Variants in RTN4 observed in about 807,000 individuals in gnomAD.
The protein encoded by RTN4 is reticulon 4.
RTN4 carries 32 observed loss-of-function variants against 90.4 expected under a neutral mutation model. The observed-to-expected ratio is 0.35, with a 90% CI of 0.27 to 0.48. RTN4 has a LOEUF of 0.48. Among genes scored for constraint, RTN4 ranks in the 20% least tolerant of loss-of-function variants. The probability of loss-of-function intolerance (pLI) is 0.99; values close to 1 mark genes in which losing one functional copy is unlikely to be tolerated. For synonymous variants in RTN4, 629 were observed against 552.5 expected (o/e 1.14, Z -1.94); for missense variants, 1,706 against 1,430.2 (o/e 1.19, Z -3.11).
chr2:55,029,154 G>A (rs1222704951), intron 1 of RTN4, among the ~76,000 whole-genome samples: 2 of 152,102 alleles, frequency 1.3e-5, no homozygotes, highest in African/African-American at 2.4e-5. Context: ...ACACACAAGA[G>A]GTCATGTGTG....
At chr2:55,135,143 C>A in the RTN4 span, among the ~76,000 whole-genome samples, 14,237 of 151,200 alleles carry the variant, frequency 0.094, 785 homozygotes, top group East Asian at 0.22. Context: ...TCAAAGATGG[C>A]ACAAAAATAA....
intron 5 of RTN4, among the ~76,000 whole-genome samples, chr2:54,982,205 C>A (rs962809585): frequency 6.6e-6 from 1 of 151,994 alleles, no homozygotes; most frequent in Non-Finnish European, 1.5e-5. Context: ...ATCCACCCGC[C>A]TCGGCCTCCC....
intron 1 of RTN4, among the ~76,000 whole-genome samples, chr2:55,092,167 G>A (rs1484204029): frequency 6.7e-6 from 1 of 150,124 alleles, no homozygotes; most frequent in Non-Finnish European, 1.5e-5. Flanking sequence ...TCCAGCCTGG[G>A]TGACAGAGTG....
intron 3 of RTN4, among the ~76,000 whole-genome samples, chr2:55,018,241 T>A (rs1250454234): frequency 6.6e-6 from 1 of 152,182 alleles, no homozygotes; most frequent in Non-Finnish European, 1.5e-5. Flanking sequence ...TAAATGATAG[T>A]CTTCCCTTTC....
chr2:54,985,372 G>A (rs1376766072), intron 4 of RTN4, among the ~76,000 whole-genome samples: 2 of 151,640 alleles, frequency 1.3e-5, no homozygotes, highest in Admixed American at 6.6e-5. Context: ...GTTGCCCAGG[G>A]TGGTCTCCAA....
At chr2:55,068,058 G>C (rs1198524764) in intron 2 of RTN4, among the ~76,000 whole-genome samples, 2 of 152,138 alleles carry the variant, frequency 1.3e-5, no homozygotes, top group Admixed American at 6.5e-5. Context: ...TGTTGTTTTG[G>C]TTGAAGTATA....
intron 3 of RTN4, among the ~76,000 whole-genome samples, chr2:55,003,637 T>G (rs901970761): frequency 2.6e-5 from 4 of 152,218 alleles, no homozygotes; most frequent in Non-Finnish European, 5.9e-5. Flanking sequence ...ACCAAGTGAA[T>G]ACAGTCAGCC....
intron 5 of RTN4, among the ~76,000 whole-genome samples, chr2:54,978,380 A>C (rs189922011): frequency 6.6e-6 from 1 of 150,774 alleles, no homozygotes; most frequent in East Asian, 1.9e-4. Flanking sequence ...CAGTGAGCCT[A>C]AGATCGCACC....
intron 1 of RTN4, among the ~76,000 whole-genome samples, chr2:55,093,803 T>C (rs1668984688): frequency 6.6e-6 from 1 of 152,240 alleles, no homozygotes; most frequent in Non-Finnish European, 1.5e-5. Flanking sequence ...TGTTAAGGTC[T>C]GGCAAGGATA....
At chr2:55,104,891 C>A (rs1399014418) in intron 1 of RTN4, among the ~76,000 whole-genome samples, 1 of 152,028 alleles carries the variant, frequency 6.6e-6, no homozygotes, top group African/African-American at 2.4e-5. Context: ...ACTGCAACCT[C>A]AACCTCTCGG....
chr2:55,126,060 CA>C, the RTN4 span, among the ~76,000 whole-genome samples: 9,392 of 62,436 alleles, frequency 0.15, 260 homozygotes, highest in East Asian at 0.31. Context: ...GACTCCGTCT[CA>C]AAAAAAAAAA....
intron 3 of RTN4, among the ~76,000 whole-genome samples, chr2:54,998,701 G>A (rs114059535): frequency 4.3e-3 from 648 of 152,048 alleles, no homozygotes; most frequent in African/African-American, 0.014. Flanking sequence ...TCTGAATAGC[G>A]GCCAGATTAT....
At chr2:55,061,532 G>C (rs1668291880) in intron 2 of RTN4, among the ~76,000 whole-genome samples, 1 of 152,182 alleles carries the variant, frequency 6.6e-6, no homozygotes. Context: ...ACATCTGGTT[G>C]TTATGTCCCC....
chr2:55,137,587 C>T, the RTN4 span, among the ~76,000 whole-genome samples: 1 of 152,032 alleles, frequency 6.6e-6, no homozygotes, highest in Non-Finnish European at 1.5e-5. Flanking sequence ...AGATGCGTGC[C>T]TCTCTTGCCT....
At position 55,010,196 on chromosome 2, in the gene RTN4, T is replaced by C. The variant is rs202209068; in HGVS notation, c.3013+14890A>G. On this transcript the variant is annotated intron_variant, in intron 3 of 8. Transcript: ENST00000337526. ...CAGAAAAGCTGTAACTGCACAAACCTACTCCCTGAGACATGAAATACCCGT... is the reference window on the plus strand; with the variant it reads ...CAGAAAAGCTGTAACTGCACAAACCCACTCCCTGAGACATGAAATACCCGT... 3.5e-5 allele frequency: 56 copies of C among 1,605,490 alleles called. No individual in the cohort carries two copies. In the East Asian group the frequency reaches 1.2e-3, roughly 33 times the overall value.
intron 3 of RTN4, among the ~76,000 whole-genome samples, chr2:55,007,271 C>G (rs536136726): frequency 8.5e-4 from 129 of 152,172 alleles, no homozygotes; most frequent in African/African-American, 3.0e-3. Context: ...CAAATTCAAG[C>G]CTATCTACTT....
At chr2:55,059,787 T>C (rs1668256908) in intron 2 of RTN4, among the ~76,000 whole-genome samples, 2 of 151,724 alleles carry the variant, frequency 1.3e-5, no homozygotes. Flanking sequence ...TGAACCAAGA[T>C]TGCACTACTG....
At chr2:55,125,844 C>A in the RTN4 span, among the ~76,000 whole-genome samples, 2 of 151,538 alleles carry the variant, frequency 1.3e-5, no homozygotes, top group African/African-American at 4.9e-5. Context: ...GGCGGGTCAC[C>A]AGGTCAGGAG....
chr2:55,067,053 A>G (rs1399011456), intron 2 of RTN4, among the ~76,000 whole-genome samples: 1 of 152,350 alleles, frequency 6.6e-6, no homozygotes, highest in East Asian at 1.9e-4. Flanking sequence ...TTTATAATGT[A>G]CACTGTTCAT....
Sources: gnomAD v4.1 joint callset for allele counts (sites outside exome capture counted in the v4.1 genomes callset) on GRCh38, gnomAD v4.1.1 for gene constraint, MANE v1.5 for transcripts, NCBI Gene and HGNC (gene_info 2026-07-23, HGNC 2026-07-21) for gene names.